Variants in UST observed in about 807,000 individuals in gnomAD.
UST encodes chondroitin sulfate 2-O-sulfotransferase.
A neutral mutation model predicts 45.6 loss-of-function variants in UST; 21 were observed. The observed-to-expected ratio is 0.46, with a 90% CI of 0.33 to 0.66. The LOEUF is 0.66. UST is among the 30% of genes least tolerant of loss of function. UST has a pLI of 0.02. For synonymous variants in UST, 215 were observed against 200.6 expected (o/e 1.07, Z -0.61); for missense variants, 463 against 512.4 (o/e 0.90, Z 0.93).
At chr6:148,913,306 T>A (rs1779512316) in intron 2 of UST, among the ~76,000 whole-genome samples, 1 of 152,104 alleles carries the variant, frequency 6.6e-6, no homozygotes, top group Non-Finnish European at 1.5e-5. Context: ...GCTTGAAGAA[T>A]GCCTTTATTT....
chr6:148,842,756 T>C (rs2114775080), intron 1 of UST, among the ~76,000 whole-genome samples: 1 of 152,316 alleles, frequency 6.6e-6, no homozygotes, highest in East Asian at 1.9e-4. Context: ...CCTTAATTCC[T>C]ACCCTTGGAG....
intron 7 of UST, among the ~76,000 whole-genome samples, chr6:149,058,461 G>A (rs187322470): frequency 3.3e-5 from 5 of 151,978 alleles, no homozygotes; most frequent in African/African-American, 9.6e-5. Context: ...ATGCCACACA[G>A]ACTATGAGGA....
rs185578829 is a variant in UST, at chr6:148,858,904, G to A, written c.248-28082G>A. 2.2e-3 allele frequency among the ~76,000 whole-genome samples: 330 copies of A among 152,320 alleles called. 1 individual carries two copies. In the South Asian group the frequency reaches 0.029, roughly 13 times the overall value. The stretch of plus-strand genomic sequence containing the variant: ...TTTTTAATCCAGCCTATCATTGATG[G>A]ACATTTGGGTTGGTTCCAAGTCTTT... On this transcript the variant is annotated intron_variant, in intron 1 of 7. Coordinates refer to ENST00000367463, the MANE Select transcript of UST (RefSeq NM_005715.3).
At chr6:148,860,222 G>T (rs1160113070) in intron 1 of UST, among the ~76,000 whole-genome samples, 1 of 152,180 alleles carries the variant, frequency 6.6e-6, no homozygotes, top group East Asian at 1.9e-4. Flanking sequence ...TCACTTGTAC[G>T]TTGGATTCCT....
intron 1 of UST, among the ~76,000 whole-genome samples, chr6:148,813,803 G>T (rs11155598): frequency 6.6e-6 from 1 of 152,088 alleles, no homozygotes; most frequent in South Asian, 2.1e-4. Context: ...CAAACCTGCT[G>T]TAGACCAGGA....
intron 2 of UST, among the ~76,000 whole-genome samples, chr6:148,932,518 T>A (rs1779940928): frequency 6.6e-6 from 1 of 152,232 alleles, no homozygotes; most frequent in Non-Finnish European, 1.5e-5. Context: ...TCCTCATATG[T>A]ATATTTTTTT....
intron 2 of UST, among the ~76,000 whole-genome samples, chr6:148,928,140 T>C (rs79101324): frequency 1.3e-5 from 2 of 148,270 alleles, no homozygotes; most frequent in South Asian, 2.2e-4. Flanking sequence ...TTTTTTTTTT[T>C]CACTCTATTG....
intron 2 of UST, among the ~76,000 whole-genome samples, chr6:148,889,663 G>A (rs1260372020): frequency 6.6e-6 from 1 of 152,180 alleles, no homozygotes; most frequent in African/African-American, 2.4e-5. Context: ...TATCTGGTCT[G>A]AAGACCCAGA....
rs940422315 is a variant in UST, at chr6:149,021,406, G to A, written c.862G>A (p.Glu288Lys). Residue 288 changes from glutamate (E) to lysine (K), a missense_variant, in exon 7 of 8, where the codon GAA (glutamate) becomes AAA (lysine). Physicochemically the swap from Glu to Lys is moderately conservative, Grantham distance 56. This residue lies in a region of UST where 287 missense variants were observed against 374.2 expected (regional missense o/e 0.77). Coordinates refer to ENST00000367463, the MANE Select transcript of UST (RefSeq NM_005715.3). ...FLLVGILEEL[E>K]DVLLLLERFL... ...GCTCGTGGGGATTCTTGAAGAGTTG[G>A]AAGATGTGCTGCTGTTACTGGAAAG... The A allele has an allele frequency of 1.5e-5, 24 of 1,614,096 alleles. No homozygotes were observed. Among genetic ancestry groups the A allele is most frequent in the Non-Finnish European group, 1.8e-5 (21 of 1,180,050 alleles).
At chr6:148,968,792 T>A (rs977330296) in intron 5 of UST, among the ~76,000 whole-genome samples, 1 of 152,224 alleles carries the variant, frequency 6.6e-6, no homozygotes, top group Non-Finnish European at 1.5e-5. Flanking sequence ...TTCTCAAAAA[T>A]GTCAAATTGG....
At chr6:148,804,754 A>G (rs1487804841) in intron 1 of UST, among the ~76,000 whole-genome samples, 2 of 151,646 alleles carry the variant, frequency 1.3e-5, no homozygotes, top group Non-Finnish European at 2.9e-5. Context: ...TCAATATTTA[A>G]TGGGAAACAT....
At chr6:148,843,138 G>T (rs1777919719) in intron 1 of UST, among the ~76,000 whole-genome samples, 1 of 152,170 alleles carries the variant, frequency 6.6e-6, no homozygotes, top group South Asian at 2.1e-4. Flanking sequence ...CTGATCACAG[G>T]GGGAATGGGA....
rs777308064 is a variant in UST, at chr6:148,953,859, C to CT, written c.448-6dup. 17 of 1,495,434 alleles carry CT rather than the reference C, an allele frequency of 1.1e-5. No homozygotes were observed. The African/African-American group carries it at 2.0e-4, about 18-fold the overall frequency. The allele number at this position is 1,495,434 out of a possible 1,614,324, so 92.6% of individuals were successfully genotyped here. A position where few individuals can be genotyped will look rare whatever the true frequency, so the allele number is the denominator to read the frequency against. ...TAGATCCTATATATGCTAATTTTTA[C>CT]TTTTTTTAATAGATGGAACTGATTA... On this transcript the variant is annotated splice_polypyrimidine_tract_variant and intron_variant, in intron 3 of 7. Coordinates refer to ENST00000367463, the MANE Select transcript of UST (RefSeq NM_005715.3).
intron 7 of UST, among the ~76,000 whole-genome samples, chr6:149,051,755 G>C (rs936845184): frequency 6.6e-6 from 1 of 152,114 alleles, no homozygotes; most frequent in Non-Finnish European, 1.5e-5. Context: ...GGGGGTGTCT[G>C]ACAAAACTTT....
chr6:148,761,617 G>A (rs1036418085), intron 1 of UST, among the ~76,000 whole-genome samples: 23 of 152,304 alleles, frequency 1.5e-4, no homozygotes, highest in Non-Finnish European at 2.6e-4. Flanking sequence ...AGAAAGTGCC[G>A]ATTGGTGGAG....
chr6:148,784,097 A>G (rs1050970946), intron 1 of UST, among the ~76,000 whole-genome samples: 11 of 152,344 alleles, frequency 7.2e-5, no homozygotes, highest in Admixed American at 5.9e-4. Flanking sequence ...TTTTAAATAA[A>G]GACTGACTTT....
At chr6:149,007,448 C>T (rs1260013243) in intron 5 of UST, among the ~76,000 whole-genome samples, 2 of 146,490 alleles carry the variant, frequency 1.4e-5, no homozygotes, top group Non-Finnish European at 3.0e-5. Context: ...CTACCACACC[C>T]AGCTAATTTT....
intron 2 of UST, among the ~76,000 whole-genome samples, chr6:148,938,467 C>A (rs1188854028): frequency 1.3e-5 from 2 of 152,036 alleles, no homozygotes; most frequent in African/African-American, 4.8e-5. Flanking sequence ...TAAATGCTAC[C>A]CTGCATACAA....
At chr6:149,058,854 A>T (rs115502116) in intron 7 of UST, among the ~76,000 whole-genome samples, 1 of 152,028 alleles carries the variant, frequency 6.6e-6, no homozygotes, top group Non-Finnish European at 1.5e-5. Flanking sequence ...CCATCCTCAT[A>T]TATAAGCCGG....
Sources: gnomAD v4.1 joint callset for allele counts (sites outside exome capture counted in the v4.1 genomes callset) on GRCh38, gnomAD v4.1.1 for gene constraint, gnomAD v4.1.1 regional missense constraint, MANE v1.5 for transcripts, NCBI Gene and HGNC (gene_info 2026-07-23, HGNC 2026-07-21) for gene names.